Variants in GRB10 observed in about 807,000 individuals in gnomAD.
The protein encoded by GRB10 is growth factor receptor bound protein 10, also known as growth factor receptor-bound protein 10.
A neutral mutation model predicts 80.9 loss-of-function variants in GRB10; 20 were observed. That is an observed-to-expected ratio of 0.25 (90% CI 0.17 to 0.36). The LOEUF (loss-of-function observed/expected upper bound fraction) is 0.36, where lower values mean the gene tolerates loss of function less well. GRB10 is among the 10% of genes least tolerant of loss of function. The pLI, the probability that GRB10 is intolerant of heterozygous loss-of-function variation, is 1.00. For missense variants in GRB10, 548 were observed against 747.7 expected (o/e 0.73, Z 3.12); for synonymous variants, 291 against 291.5 (o/e 1.00, Z 0.02).
At chr7:50,607,359 A>ATAT (rs2048724183) in intron 13 of GRB10, among the ~76,000 whole-genome samples, 1 of 152,044 alleles carries the variant, frequency 6.6e-6, no homozygotes, top group South Asian at 2.1e-4. Flanking sequence ...TATATAAAAA[A>ATAT]ATCTCTAAGT....
At chr7:50,658,949 G>A (rs1406403012) in intron 7 of GRB10, among the ~76,000 whole-genome samples, 1 of 152,174 alleles carries the variant, frequency 6.6e-6, no homozygotes, top group Non-Finnish European at 1.5e-5. Context: ...CTAGAGAGCT[G>A]TGAGAGACCT....
intron 3 of GRB10, among the ~76,000 whole-genome samples, chr7:50,748,062 G>A (rs917413558): frequency 6.6e-6 from 1 of 152,186 alleles, no homozygotes; most frequent in African/African-American, 2.4e-5. Context: ...AATTCCAGAG[G>A]ATAGGATTGT....
chr7:50,785,766 C>T (rs570416796), upstream of GRB10, among the ~76,000 whole-genome samples: 1 of 152,324 alleles, frequency 6.6e-6, no homozygotes, highest in East Asian at 1.9e-4. Context: ...TCCGGGTAAG[C>T]TGGACACAAA....
At chr7:50,702,571 G>T (rs2064399177) in intron 5 of GRB10, among the ~76,000 whole-genome samples, 2 of 152,214 alleles carry the variant, frequency 1.3e-5, no homozygotes, top group Non-Finnish European at 1.5e-5. Flanking sequence ...TGGTCACGGA[G>T]CAGAGGTAGG....
intron 3 of GRB10, among the ~76,000 whole-genome samples, chr7:50,735,177 T>C (rs746988188): frequency 2.0e-4 from 31 of 152,214 alleles, no homozygotes; most frequent in Non-Finnish European, 4.0e-4. Flanking sequence ...AACAATCCAA[T>C]AGATAATTAA....
intron 11 of GRB10, among the ~76,000 whole-genome samples, chr7:50,615,085 C>T (rs1273976850): frequency 2.6e-5 from 4 of 152,202 alleles, no homozygotes; most frequent in Non-Finnish European, 4.4e-5. Context: ...ACCCACTTCC[C>T]CAGTTCTCAG....
intron 7 of GRB10, among the ~76,000 whole-genome samples, 177 bp from the exon 8 acceptor site, chr7:50,627,155 A>G (rs1278686250): frequency 6.6e-6 from 1 of 152,126 alleles, no homozygotes; most frequent in African/African-American, 2.4e-5. Flanking sequence ...CTTCCTCCCT[A>G]TCTCCCCTTT....
intron 4 of GRB10, among the ~76,000 whole-genome samples, chr7:50,718,154 A>C (rs976827900): frequency 6.6e-6 from 1 of 152,234 alleles, no homozygotes; most frequent in African/African-American, 2.4e-5. Flanking sequence ...TCCAGCAGGA[A>C]GGAAGAAAGG....
rs1373704017 is a variant in GRB10, at chr7:50,683,222, A to G, written c.140-8564T>C. ...CATAATAAGCCAGTCACAAAAGGAT[A>G]AACACTATCTGATTCTGCTCATGGG... On this transcript the variant is annotated intron_variant, in intron 5 of 18. Transcript: ENST00000401949. Among the ~76,000 whole-genome samples the G allele has an allele frequency of 2.0e-5, 3 of 152,362 alleles. No individual in the cohort carries two copies. The East Asian group carries it at 5.8e-4, about 29-fold the overall frequency.
At chr7:50,698,774 A>T (rs2063769876) in intron 5 of GRB10, among the ~76,000 whole-genome samples, 1 of 152,240 alleles carries the variant, frequency 6.6e-6, no homozygotes, top group Admixed American at 6.5e-5. Flanking sequence ...TTGTCTTCAA[A>T]TTCTTGAGTT....
At chr7:50,631,776 G>A (rs2054043902) in intron 7 of GRB10, among the ~76,000 whole-genome samples, 1 of 152,258 alleles carries the variant, frequency 6.6e-6, no homozygotes, top group Non-Finnish European at 1.5e-5. Context: ...GTGCCAGGAA[G>A]GCAAAGGAAG....
intron 2 of GRB10, among the ~76,000 whole-genome samples, chr7:50,757,629 G>A (rs2075262016): frequency 6.6e-6 from 1 of 152,232 alleles, no homozygotes; most frequent in Non-Finnish European, 1.5e-5. Flanking sequence ...AGATGATTAT[G>A]TCGACTAGAA....
chr7:50,604,756 C>T (rs1307011891), intron 15 of GRB10, among the ~76,000 whole-genome samples: 1 of 152,190 alleles, frequency 6.6e-6, no homozygotes, highest in African/African-American at 2.4e-5. Flanking sequence ...CTTCTTTTTC[C>T]CATCCCCTGA....
intron 5 of GRB10, among the ~76,000 whole-genome samples, chr7:50,680,917 T>C (rs1297319147): frequency 6.6e-6 from 1 of 152,110 alleles, no homozygotes; most frequent in Non-Finnish European, 1.5e-5. Context: ...ACCTTGAAAC[T>C]CCATCCAGAC....
intron 4 of GRB10, among the ~76,000 whole-genome samples, chr7:50,715,106 G>T (rs2066642978): frequency 6.6e-6 from 1 of 151,848 alleles, no homozygotes; most frequent in South Asian, 2.1e-4. Flanking sequence ...AGAGGGCAGG[G>T]GGCCAAGGGT....
At chr7:50,776,034 G>C (rs2077600684) in intron 2 of GRB10, among the ~76,000 whole-genome samples, 1 of 152,184 alleles carries the variant, frequency 6.6e-6, no homozygotes, top group Non-Finnish European at 1.5e-5. Flanking sequence ...GGGCAGCACT[G>C]ATAATCTCTG....
chr7:50,674,343 T>C (rs1235928486), intron 6 of GRB10, 93 bp downstream of exon 6: 50 of 1,243,892 alleles, frequency 4.0e-5, no homozygotes, highest in East Asian at 2.6e-4. Flanking sequence ...ACCAACACTA[T>C]TCCCCCCAAC....
At chr7:50,679,581 C>T (rs1009221166) in intron 5 of GRB10, among the ~76,000 whole-genome samples, 17 of 151,798 alleles carry the variant, frequency 1.1e-4, no homozygotes, top group Non-Finnish European at 2.9e-5. Context: ...CCCTTCTTCA[C>T]AGACCTACAC....
rs574147984 is a variant in GRB10, at chr7:50,615,505, G to A, written c.985-625C>T. Among the ~76,000 whole-genome samples the A allele has an allele frequency of 7.9e-5, 12 of 152,246 alleles. 1 individual carries two copies. Among genetic ancestry groups the A allele is most frequent in the African/African-American group, 1.9e-4 (8 of 41,544 alleles). ...CGGCAGCTGCTGACTTCCCAGAGCC[G>A]GCCCCAACACCTTCCCAGAGCCGGT... On this transcript the variant is annotated intron_variant, in intron 11 of 18. Coordinates refer to ENST00000401949, the MANE Select transcript of GRB10 (RefSeq NM_001350814.2).
Sources: allele counts gnomAD v4.1 joint callset (sites outside exome capture counted in the v4.1 genomes callset), GRCh38; gene constraint gnomAD v4.1.1; transcripts MANE v1.5; gene names NCBI Gene and HGNC (gene_info 2026-07-23, HGNC 2026-07-21).